DENND6A: variants seen among roughly 807,000 people sequenced by gnomAD.
DENND6A encodes protein DENND6A.
In DENND6A, 43 loss-of-function variants were observed where a neutral mutation model predicts 95.5. The ratio of observed to expected loss-of-function variants is 0.45; its 90% CI spans 0.35 to 0.58. The LOEUF (loss-of-function observed/expected upper bound fraction) is 0.58. Ranked by LOEUF, DENND6A falls within the 20% of genes least tolerant of loss-of-function variation. DENND6A has a pLI of 0.00. For missense variants in DENND6A, 574 were observed against 736.0 expected (o/e 0.78, Z 2.55); for synonymous variants, 257 against 260.4 (o/e 0.99, Z 0.13).
intron 1 of DENND6A, among the ~76,000 whole-genome samples, chr3:57,677,647 G>T (rs376410342): frequency 1.3e-5 from 2 of 151,970 alleles, no homozygotes; most frequent in African/African-American, 4.8e-5. Context: ...TGTTGCCCAG[G>T]CTGGTCTCAA....
chr3:57,692,410 T>C (rs1330837398), intron 1 of DENND6A, among the ~76,000 whole-genome samples: 2 of 152,200 alleles, frequency 1.3e-5, no homozygotes, highest in East Asian at 1.9e-4. Context: ...GTTCATCATC[T>C]GTTATGGGCA....
At position 57,692,341 on chromosome 3, in the gene DENND6A, T is replaced by C. The variant is rs183346318; in HGVS notation, c.237+441A>G. ...CTGAGGGAAACGCTCAAACAGTTAC[T>C]GCAAATGACTAAAACAATCTGAGCC... On this transcript the variant is annotated intron_variant, in intron 1 of 19. Coordinates refer to ENST00000311128, the MANE Select transcript of DENND6A (RefSeq NM_152678.3). Among the ~76,000 whole-genome samples the C allele has an allele frequency of 2.2e-3, 333 of 152,026 alleles. 1 individual carries two copies. Among genetic ancestry groups the C allele is most frequent in the Non-Finnish European group, 3.5e-3 (240 of 67,984 alleles).
At chr3:57,639,792 A>G (rs2153412971) in intron 12 of DENND6A, among the ~76,000 whole-genome samples, 2 of 152,264 alleles carry the variant, frequency 1.3e-5, no homozygotes, top group East Asian at 3.9e-4. Context: ...TCTATTTCAT[A>G]AGGCTTCTAA....
intron 1 of DENND6A, among the ~76,000 whole-genome samples, chr3:57,680,685 A>T (rs2077156469): frequency 6.6e-6 from 1 of 152,226 alleles, no homozygotes; most frequent in Non-Finnish European, 1.5e-5. Context: ...AAAATACATA[A>T]AGAACTCTTA....
At chr3:57,663,758 T>C (rs1267535769) in intron 4 of DENND6A, 42 bp from the exon 5 acceptor site, 8 of 1,238,478 alleles carry the variant, frequency 6.5e-6, no homozygotes, top group African/African-American at 1.5e-5. Flanking sequence ...GGGGGGTACA[T>C]ATATATGTAT....
At chr3:57,680,750 A>G (rs1342192757) in intron 1 of DENND6A, among the ~76,000 whole-genome samples, 1 of 151,768 alleles carries the variant, frequency 6.6e-6, no homozygotes, top group African/African-American at 2.4e-5. Flanking sequence ...ACAAATGTTA[A>G]TAGATACTTC....
intron 9 of DENND6A, chr3:57,654,611 T>G (rs1305312477): frequency 3.1e-6 from 3 of 981,546 alleles, no homozygotes. Context: ...AAAATGTCTA[T>G]TTCTTTCAAC....
intron 15 of DENND6A, 96 bp from the exon 16 acceptor site, chr3:57,631,074 T>G: frequency 9.0e-7 from 1 of 1,115,024 alleles, no homozygotes; most frequent in South Asian, 1.5e-5. Context: ...TTTAATCATA[T>G]GCCCTTTCAA....
In DENND6A at chr3:57,645,770, A is replaced by G. The variant is rs770597726; in HGVS notation, c.942-14T>C. 22 of 1,590,314 alleles carry G rather than the reference A, an allele frequency of 1.4e-5. No individual in the cohort carries two copies. Among genetic ancestry groups the G allele is most frequent in the East Asian group, 2.2e-5 (1 of 44,650 alleles). ...GGAGAAATACAGCTGTGGAGCAGGA[A>G]GAACATGTAAAATAAAGGACACAGA... On this transcript the variant is annotated splice_polypyrimidine_tract_variant and intron_variant, in intron 10 of 19. Transcript: ENST00000311128.
At chr3:57,648,702 A>C (rs1302744472) in intron 9 of DENND6A, among the ~76,000 whole-genome samples, 1 of 152,242 alleles carries the variant, frequency 6.6e-6, no homozygotes, top group Admixed American at 6.5e-5. Context: ...GAGAACCCAG[A>C]GATAAAGCCA....
chr3:57,657,703 A>T lies in DENND6A; in HGVS notation c.795T>A (p.Thr265=), dbSNP rs1414287213. The part of the protein sequence containing the change: ...VDTNISVILP[T]VHEVDIFRCF... ...ACCTGAAAATATCCACCTCATGAAC[A>T]GTAGGTAAAATAACAGATATATTTG... The change falls in exon 9 of 20, where the codon ACT becomes ACA. Residue 265 remains threonine, a synonymous_variant. Transcript: ENST00000311128. 6.3e-7 allele frequency: 1 copy of T among 1,585,286 alleles called. No individual in the cohort carries two copies. Among genetic ancestry groups the T allele is most frequent in the Non-Finnish European group, 8.6e-7 (1 of 1,161,144 alleles).
intron 15 of DENND6A, 50 bp downstream of exon 15, chr3:57,633,215 T>C: frequency 6.9e-7 from 1 of 1,456,466 alleles, no homozygotes; most frequent in Non-Finnish European, 9.6e-7. Context: ...AACATTTATA[T>C]ACCCTTCACC....
chr3:57,662,185 C>CTTTT lies in DENND6A; in HGVS notation c.514-638_514-635dup, dbSNP rs60063768. Among the ~76,000 whole-genome samples the CTTTT allele has an allele frequency of 8.1e-3, 637 of 79,118 alleles. 14 individuals are homozygous for CTTTT. The highest frequency in any genetic ancestry group is 0.013 in the East Asian group (29 of 2,256). The allele number at this position is 79,118 out of a possible 152,430, so 51.9% of individuals were successfully genotyped here. On this transcript the variant is annotated intron_variant, in intron 5 of 19. Transcript: ENST00000311128. ...TTTTTGTTTCTTTCTTTTCTTTTTT[C>CTTTT]TTTTTTTTTTTTTTTTTTTTTTTGA...
intron 9 of DENND6A, among the ~76,000 whole-genome samples, chr3:57,650,596 G>C (rs942190464): frequency 2.6e-5 from 4 of 152,018 alleles, no homozygotes; most frequent in Admixed American, 6.6e-5. Context: ...TAGAGAAATG[G>C]CTGGTTCTAG....
At chr3:57,651,352 T>C (rs11708586) in intron 9 of DENND6A, among the ~76,000 whole-genome samples, 27,306 of 152,200 alleles carry the variant, frequency 0.18, 2,884 homozygotes, top group East Asian at 0.48. Context: ...TCTGTACTGA[T>C]TCATGATACT....
chr3:57,692,324 A>G (rs2077274966), intron 1 of DENND6A, among the ~76,000 whole-genome samples: 1 of 152,118 alleles, frequency 6.6e-6, no homozygotes, highest in African/African-American at 2.4e-5. Flanking sequence ...GGCTGAGGGA[A>G]ACGCTCAAAC....
intron 3 of DENND6A, 36 bp from the exon 4 acceptor site, chr3:57,666,271 C>T (rs369520155): frequency 3.6e-5 from 53 of 1,487,788 alleles, no homozygotes; most frequent in Non-Finnish European, 4.2e-5. Context: ...TTAAGGATAG[C>T]TTAGTATAAC....
chr3:57,654,040 C>T (rs772784418), intron 9 of DENND6A, among the ~76,000 whole-genome samples: 4 of 149,612 alleles, frequency 2.7e-5, no homozygotes, highest in Non-Finnish European at 4.4e-5. Context: ...CTCCACCTCC[C>T]GGGTTCACAC....
At position 57,630,841 on chromosome 3, in the gene DENND6A, A is replaced by G; in HGVS notation, c.1408-17T>C. 6.2e-7 allele frequency: 1 copy of G among 1,610,752 alleles called. No individual in the cohort carries two copies. The highest frequency in any genetic ancestry group is 8.5e-7 in the Non-Finnish European group (1 of 1,178,864). On this transcript the variant is annotated splice_polypyrimidine_tract_variant and intron_variant, in intron 16 of 19. Coordinates refer to ENST00000311128, the MANE Select transcript of DENND6A (RefSeq NM_152678.3). ...AGGTGGACTCTAGAAAACAGGACAT[A>G]TAATATTTAGAAATTAGGAGTGGAT...
Sources: allele counts gnomAD v4.1 joint callset (sites outside exome capture counted in the v4.1 genomes callset), GRCh38; gene constraint gnomAD v4.1.1; transcripts MANE v1.5; gene names NCBI Gene and HGNC (gene_info 2026-07-23, HGNC 2026-07-21).